CHIC2: variants seen among roughly 807,000 people sequenced by gnomAD.
The protein encoded by CHIC2 is cysteine-rich hydrophobic domain-containing protein 2.
A neutral mutation model predicts 25.9 loss-of-function variants in CHIC2; 14 were observed. That is an observed-to-expected ratio of 0.54 (90% CI 0.36 to 0.85). The LOEUF (loss-of-function observed/expected upper bound fraction) is 0.85. CHIC2 is among the 40% of genes least tolerant of loss of function. The pLI, the probability that CHIC2 is intolerant of heterozygous loss-of-function variation, is 0.01. For synonymous variants in CHIC2, 70 were observed against 72.0 expected (o/e 0.97, Z 0.14); for missense variants, 146 against 202.0 (o/e 0.72, Z 1.68).
chr4:54,074,212 G>A, the CHIC2 span, among the ~76,000 whole-genome samples: 1 of 151,918 alleles, frequency 6.6e-6, no homozygotes, highest in Non-Finnish European at 1.5e-5. Flanking sequence ...TAAAATTTAA[G>A]GGATATTTTT....
chr4:54,077,719 G>A, the CHIC2 span, among the ~76,000 whole-genome samples: 59 of 152,226 alleles, frequency 3.9e-4, no homozygotes, highest in Admixed American at 2.1e-3. Context: ...ATCCCACTTT[G>A]GCTCAAAGAT....
chr4:54,012,645 T>A (rs1386590400), intron 5 of CHIC2, among the ~76,000 whole-genome samples: 3 of 150,476 alleles, frequency 2.0e-5, no homozygotes, highest in Admixed American at 2.0e-4. Context: ...AAACCCTCTA[T>A]CTAAGATGAA....
intron 3 of CHIC2, among the ~76,000 whole-genome samples, chr4:54,026,187 T>G (rs1716052757): frequency 6.6e-6 from 1 of 152,176 alleles, no homozygotes; most frequent in South Asian, 2.1e-4. Flanking sequence ...TCCTGTTCTT[T>G]TCATCATGCT....
chr4:54,010,065 C>G lies in CHIC2; in HGVS notation c.*30G>C. 2 of 1,526,718 alleles carry G rather than the reference C, an allele frequency of 1.3e-6. No homozygotes were observed. The highest frequency in any genetic ancestry group is 1.8e-6 in the Non-Finnish European group (2 of 1,105,598). 94.6% of individuals were successfully genotyped at this position (1,526,718 alleles called of 1,614,324 possible). A position where few individuals can be genotyped will look rare whatever the true frequency, so the allele number is the denominator to read the frequency against. On this transcript the variant is annotated 3_prime_UTR_variant, in exon 6 of 6. Coordinates refer to ENST00000263921, the MANE Select transcript of CHIC2 (RefSeq NM_012110.4). ...AAGGCACCATTGGAAAGACAACATA[C>G]TTGGAAAGTCTCTATAAATAAAGTA...
chr4:54,038,792 T>A (rs1716472828), intron 3 of CHIC2, among the ~76,000 whole-genome samples: 2 of 152,036 alleles, frequency 1.3e-5, no homozygotes, highest in Admixed American at 1.3e-4. Flanking sequence ...GAGGCCGAGA[T>A]GAGAGAATCG....
At chr4:54,045,578 G>T (rs1297768140) in intron 3 of CHIC2, among the ~76,000 whole-genome samples, 1 of 151,720 alleles carries the variant, frequency 6.6e-6, no homozygotes, top group South Asian at 2.1e-4. Flanking sequence ...ATGCAGAAAA[G>T]GCCTTTGACA....
chr4:54,035,317 A>G (rs74997041), intron 3 of CHIC2, among the ~76,000 whole-genome samples: 1,681 of 152,272 alleles, frequency 0.011, 32 homozygotes, highest in African/African-American at 0.038. Context: ...AATAGGCATT[A>G]CTTCTTCCTT....
At chr4:54,090,239 T>G in the CHIC2 span, among the ~76,000 whole-genome samples, 2 of 152,120 alleles carry the variant, frequency 1.3e-5, no homozygotes, top group Admixed American at 6.5e-5. Flanking sequence ...CAGGCTGAAG[T>G]GCAGTGGTGC....
chr4:54,084,251 A>G, the CHIC2 span, among the ~76,000 whole-genome samples: 5 of 152,166 alleles, frequency 3.3e-5, no homozygotes, highest in Non-Finnish European at 5.9e-5. Context: ...GGTGAATTAA[A>G]CTAAATTGAA....
intron 3 of CHIC2, among the ~76,000 whole-genome samples, chr4:54,031,040 T>C (rs1716213744): frequency 6.6e-6 from 1 of 152,008 alleles, no homozygotes; most frequent in South Asian, 2.1e-4. Flanking sequence ...CCACCACTCC[T>C]GGATTCTTTT....
At chr4:54,064,733 GCGCGCGCACGTGCGGCCT>G (rs1381614743), upstream of CHIC2, 78 of 848,132 alleles carry the variant, frequency 9.2e-5, no homozygotes, top group African/African-American at 1.3e-3. The surrounding 1 kb of genome is among the most constrained non-coding windows in gnomAD (Gnocchi z 4.2). Context: ...GGGCGGGCGG[GCGCGCGCACGTGCGGCCT>G]CGCGCGCTCC....
the CHIC2 span, among the ~76,000 whole-genome samples, chr4:54,073,243 C>A: frequency 6.6e-6 from 1 of 152,126 alleles, no homozygotes; most frequent in African/African-American, 2.4e-5. Context: ...ACATTTGGGG[C>A]TCTGACTAGA....
intron 3 of CHIC2, among the ~76,000 whole-genome samples, chr4:54,032,717 A>G (rs959040351): frequency 6.6e-6 from 1 of 152,230 alleles, no homozygotes; most frequent in Non-Finnish European, 1.5e-5. Flanking sequence ...TAGTCAATCC[A>G]TAGAAATGCA....
chr4:54,068,935 G>A (rs769170943), upstream of CHIC2, among the ~76,000 whole-genome samples: 6 of 152,172 alleles, frequency 3.9e-5, no homozygotes, highest in Non-Finnish European at 7.3e-5. Flanking sequence ...TTGTTAGAGC[G>A]GCTCACAGAA....
chr4:54,032,437 C>T (rs1355360893), intron 3 of CHIC2, among the ~76,000 whole-genome samples: 2 of 152,022 alleles, frequency 1.3e-5, no homozygotes, highest in Admixed American at 6.6e-5. Context: ...GACTGGTTTT[C>T]GTATTTTTTT....
At chr4:54,036,130 A>G (rs1304002171) in intron 3 of CHIC2, among the ~76,000 whole-genome samples, 1 of 152,200 alleles carries the variant, frequency 6.6e-6, no homozygotes, top group Non-Finnish European at 1.5e-5. Flanking sequence ...GAACTATCTC[A>G]GTGATCTGTA....
chr4:54,079,780 A>T, the CHIC2 span, among the ~76,000 whole-genome samples: 19 of 117,988 alleles, frequency 1.6e-4, no homozygotes, highest in Admixed American at 2.5e-4. Context: ...TCTCAGAAAT[A>T]AAAAAAAACA....
chr4:54,058,397 A>G (rs1476693501), intron 1 of CHIC2, among the ~76,000 whole-genome samples: 1 of 152,168 alleles, frequency 6.6e-6, no homozygotes, highest in Non-Finnish European at 1.5e-5. Context: ...AATCTGCCTC[A>G]TATCAAAGAC....
intron 1 of CHIC2, among the ~76,000 whole-genome samples, chr4:54,063,027 A>C (rs1299898628): frequency 6.6e-6 from 1 of 152,230 alleles, no homozygotes; most frequent in Non-Finnish European, 1.5e-5. Flanking sequence ...AAGAAATTAA[A>C]GCATTACATA....
Sources: allele counts gnomAD v4.1 joint callset (sites outside exome capture counted in the v4.1 genomes callset), GRCh38; gene constraint gnomAD v4.1.1; non-coding constraint Gnocchi (gnomAD v3.1); transcripts MANE v1.5; gene names NCBI Gene and HGNC (gene_info 2026-07-23, HGNC 2026-07-21).